Variants in MAPT observed in about 807,000 individuals in gnomAD.
MAPT encodes microtubule-associated protein tau.
MAPT carries 34 observed loss-of-function variants against 67.9 expected under a neutral mutation model. That is an observed-to-expected ratio of 0.50 (90% CI 0.38 to 0.67). MAPT has a LOEUF of 0.67. Among genes scored for constraint, MAPT ranks in the 30% least tolerant of loss-of-function variants. The pLI is 0.00. For missense variants in MAPT, 881 were observed against 1,115.2 expected (o/e 0.79, Z 2.99); for synonymous variants, 456 against 464.5 (o/e 0.98, Z 0.23).
chr17:45,991,588 TAAG>T lies in MAPT; in HGVS notation c.1732+8_1732+10del, dbSNP rs745595533. 1.3e-5 allele frequency: 21 copies of T among 1,613,922 alleles called. No homozygotes were observed. The highest frequency in any genetic ancestry group is 8.3e-5 in the Admixed American group (5 of 59,986). Reference sequence around the variant, plus strand: ...CTCCAAAGACACCACCCAGCTCTGGTAAGAAGAACGTTCTCTTGAATCTTAGAG... The same window carrying T: ...CTCCAAAGACACCACCCAGCTCTGGTAAGAACGTTCTCTTGAATCTTAGAG... On this transcript the variant is annotated splice_donor_5th_base_variant and intron_variant, in intron 8 of 12. Coordinates refer to ENST00000262410, the MANE Select transcript of MAPT (RefSeq NM_001377265.1).
intron 1 of MAPT, among the ~76,000 whole-genome samples, chr17:45,918,214 TG>T (rs1339919637): frequency 1.3e-5 from 2 of 152,250 alleles, no homozygotes; most frequent in Non-Finnish European, 2.9e-5. Flanking sequence ...TGCACCTGGC[TG>T]GTCTGTTCTT....
intron 1 of MAPT, chr17:45,895,708 C>T (rs1201278958): frequency 6.6e-6 from 1 of 152,242 alleles, no homozygotes; most frequent in Non-Finnish European, 1.5e-5. Flanking sequence ...CCCTGGTGGG[C>T]GAGGAAGGGG....
At chr17:45,969,051 T>G (rs2071378615) in intron 2 of MAPT, 1 of 152,214 alleles carries the variant, frequency 6.6e-6, no homozygotes, top group Non-Finnish European at 1.5e-5. Context: ...CTCTAGAGGC[T>G]CTATCTTCCA....
At chr17:45,982,167 CA>C (rs1441946601) in intron 4 of MAPT, among the ~76,000 whole-genome samples, 2 of 151,584 alleles carry the variant, frequency 1.3e-5, no homozygotes, top group Admixed American at 1.3e-4. Flanking sequence ...ACTAAAAATA[CA>C]AAAATTAGCC....
chr17:45,967,578 G>C (rs1003865867), intron 2 of MAPT, among the ~76,000 whole-genome samples: 2 of 152,310 alleles, frequency 1.3e-5, no homozygotes, highest in African/African-American at 2.4e-5. Context: ...GATGGGTGCA[G>C]CCAGGGCCAG....
rs751022258 is a variant in MAPT, at chr17:45,983,752, G to A, written c.1173G>A (p.Ala391=). The change falls in exon 5 of 13, where the codon GCG becomes GCA. Residue 391 remains alanine (A), a synonymous_variant. Coordinates refer to ENST00000262410, the MANE Select transcript of MAPT (RefSeq NM_001377265.1). Reference sequence around the variant, plus strand: ...CACCCAACGTGCAGAAGGAGCAGGCGCACTCGGAGGAGCATTTGGGAAGGG... The same window carrying A: ...CACCCAACGTGCAGAAGGAGCAGGCACACTCGGAGGAGCATTTGGGAAGGG... ...EITPNVQKEQ[A]HSEEHLGRAA... is the part of the protein sequence containing the mutation. The A allele has an allele frequency of 3.7e-6, 6 of 1,614,150 alleles. No homozygotes were observed. Among genetic ancestry groups the A allele is most frequent in the Non-Finnish European group, 4.2e-6 (5 of 1,180,016 alleles).
chr17:45,956,587 TATATATATATATA>T (rs2069726351), intron 1 of MAPT, among the ~76,000 whole-genome samples: 7 of 7,692 alleles, frequency 9.1e-4, no homozygotes, highest in African/African-American at 1.4e-3. Flanking sequence ...TATATATATA[TATATATATATATA>T]TTTTTTATTA....
At chr17:45,903,412 GTAAT>G (rs1297780250) in intron 1 of MAPT, among the ~76,000 whole-genome samples, 1 of 151,892 alleles carries the variant, frequency 6.6e-6, no homozygotes, top group Non-Finnish European at 1.5e-5. Context: ...GACTTCTTGG[GTAAT>G]TAATCAGGGC....
rs140271686 is a variant in MAPT at position 45,999,361 on chromosome 17, G to A, written c.1998+2697G>A. On this transcript the variant is annotated intron_variant, in intron 9 of 12. Coordinates refer to ENST00000262410, the MANE Select transcript of MAPT (RefSeq NM_001377265.1). ...CAGGTGGCCGGCCCTCATTGAATGCGGGGTTAATTTAACTCAGCCTCTGTG... is the reference window on the plus strand; with the variant it reads ...CAGGTGGCCGGCCCTCATTGAATGCAGGGTTAATTTAACTCAGCCTCTGTG... 2.7e-4 allele frequency: 442 copies of A among 1,614,010 alleles called. 8 individuals are homozygous for A. In the South Asian group the frequency reaches 2.9e-3, roughly 11 times the overall value.
chr17:45,953,223 T>C (rs1235417229), intron 1 of MAPT, among the ~76,000 whole-genome samples: 1 of 152,214 alleles, frequency 6.6e-6, no homozygotes, highest in Non-Finnish European at 1.5e-5. Context: ...TCAGTGTTGG[T>C]TGTAAGACTG....
rs114618543 is a variant in MAPT, at chr17:45,988,524, A to G, written c.1408-1354A>G. 8.4e-3 allele frequency among the ~76,000 whole-genome samples: 1,279 copies of G among 152,282 alleles called. 23 individuals are homozygous for G. The highest frequency in any genetic ancestry group is 0.03 in the African/African-American group (1,232 of 41,538). ...CAGGGCCCCCCCCAGCCCCGCCTCC[A>G]TAGGGACAGGCGTGCAGACACCCGT... On this transcript the variant is annotated intron_variant, in intron 6 of 12. Coordinates refer to ENST00000262410, the MANE Select transcript of MAPT (RefSeq NM_001377265.1).
At chr17:45,946,615 A>AAAAAAATATATATAT in intron 1 of MAPT, among the ~76,000 whole-genome samples, 2 of 100,404 alleles carry the variant, frequency 2.0e-5, no homozygotes, top group African/African-American at 8.7e-5. Flanking sequence ...AAAAAAAAAA[A>AAAAAAATATATATAT]ATATATATAT....
At chr17:45,919,172 C>T (rs1192768083) in intron 1 of MAPT, among the ~76,000 whole-genome samples, 1 of 152,156 alleles carries the variant, frequency 6.6e-6, no homozygotes, top group Non-Finnish European at 1.5e-5. Flanking sequence ...TGGCGTCTCC[C>T]TGACCCTGCC....
chr17:45,898,706 T>C (rs1202627789), intron 1 of MAPT: 2 of 152,212 alleles, frequency 1.3e-5, no homozygotes, highest in African/African-American at 4.8e-5. Context: ...TATTGATGTA[T>C]TTATTTAGCA....
chr17:45,986,953 C>A, intron 5 of MAPT, 87 bp from the exon 6 acceptor site: 2 of 1,177,992 alleles, frequency 1.7e-6, no homozygotes, highest in Non-Finnish European at 1.3e-6. Flanking sequence ...TGGACCTATC[C>A]CAGAGAAATC....
chr17:45,983,533 G>A lies in MAPT; in HGVS notation c.954G>A (p.Gly318=), dbSNP rs750222134. The A allele has an allele frequency of 3.7e-6, 6 of 1,612,788 alleles. No homozygotes were observed. The East Asian group carries it at 1.3e-4, about 36-fold the overall frequency. Reference sequence around the variant, plus strand: ...CCAAGGCCTCCCCAGCCCAAGATGGGCGGCCTCCCCAGACAGCCGCCAGAG... The same window carrying A: ...CCAAGGCCTCCCCAGCCCAAGATGGACGGCCTCCCCAGACAGCCGCCAGAG... ...PPSKASPAQD[G]RPPQTAAREA... The change falls in exon 5 of 13, where the codon GGG becomes GGA. Residue 318 remains glycine, a synonymous_variant. Coordinates refer to ENST00000262410, the MANE Select transcript of MAPT (RefSeq NM_001377265.1).
chr17:45,965,324 G>A (rs1449850488), intron 2 of MAPT, among the ~76,000 whole-genome samples: 1 of 151,762 alleles, frequency 6.6e-6, no homozygotes, highest in African/African-American at 2.4e-5. Flanking sequence ...CAGCTACTTG[G>A]GAGGCTGAGG....
intron 1 of MAPT, among the ~76,000 whole-genome samples, chr17:45,940,705 G>A (rs1210164857): frequency 6.6e-6 from 1 of 152,148 alleles, no homozygotes; most frequent in African/African-American, 2.4e-5. Context: ...CCAGGGCACT[G>A]AGCAGGACCC....
intron 12 of MAPT, among the ~76,000 whole-genome samples, chr17:46,023,540 A>G (rs62062295): frequency 0.14 from 21,779 of 152,216 alleles, 2,114 homozygotes; most frequent in Non-Finnish European, 0.22. Flanking sequence ...TTGGAAGACA[A>G]TAAAAACAAC....
Sources: allele counts gnomAD v4.1 joint callset (sites outside exome capture counted in the v4.1 genomes callset), GRCh38; gene constraint gnomAD v4.1.1; transcripts MANE v1.5; gene names NCBI Gene and HGNC (gene_info 2026-07-23, HGNC 2026-07-21).